Variants in SNRPN observed in about 807,000 individuals in gnomAD.
SNRPN encodes small nuclear ribonucleoprotein-associated protein N.
A neutral mutation model predicts 25.2 loss-of-function variants in SNRPN; 7 were observed. The ratio of observed to expected loss-of-function variants is 0.28; its 90% CI spans 0.16 to 0.52. The LOEUF (loss-of-function observed/expected upper bound fraction) is 0.52. Ranked by LOEUF, SNRPN falls within the 20% of genes least tolerant of loss-of-function variation. The pLI is 0.96. For synonymous variants in SNRPN, 124 were observed against 110.6 expected (o/e 1.12, Z -0.76); for missense variants, 196 against 322.5 (o/e 0.61, Z 3.00).
chr15:24,973,296 ACT>A (rs999124974), intron 3 of SNRPN, among the ~76,000 whole-genome samples: 5 of 151,872 alleles, frequency 3.3e-5, no homozygotes, highest in African/African-American at 7.3e-5. Context: ...AGTATAGTAG[ACT>A]CTGTGTATCC....
At chr15:24,902,921 G>T (rs561290142) in intron 2 of SNRPN, among the ~76,000 whole-genome samples, 1 of 152,170 alleles carries the variant, frequency 6.6e-6, no homozygotes, top group South Asian at 2.1e-4. Context: ...TGCTGGCTCC[G>T]GTGGCCAGCT....
intron 3 of SNRPN, among the ~76,000 whole-genome samples, chr15:24,941,837 G>A (rs2061575806): frequency 6.6e-6 from 1 of 152,000 alleles, no homozygotes; most frequent in Non-Finnish European, 1.5e-5. Flanking sequence ...GCAGTGCAGT[G>A]GCGCAATCTC....
intron 3 of SNRPN, among the ~76,000 whole-genome samples, chr15:24,937,408 C>T (rs1030198493): frequency 6.6e-6 from 1 of 152,046 alleles, no homozygotes; most frequent in Non-Finnish European, 1.5e-5. Flanking sequence ...GTGATGTGCA[C>T]CTGTAGTCCC....
At chr15:24,961,054 C>CT (rs1264267985) in intron 1 of SNRPN, among the ~76,000 whole-genome samples, 1 of 151,926 alleles carries the variant, frequency 6.6e-6, no homozygotes, top group Non-Finnish European at 1.5e-5. Context: ...CTTTCACTTT[C>CT]TTTAGTGTTT....
intron 2 of SNRPN, among the ~76,000 whole-genome samples, chr15:24,918,735 C>CAT (rs1312339584): frequency 3.4e-4 from 29 of 85,164 alleles, no homozygotes; most frequent in African/African-American, 1.3e-3. Context: ...TATATGTGTG[C>CAT]ATATATATAA....
intron 3 of SNRPN, among the ~76,000 whole-genome samples, chr15:24,922,791 TCTCA>T (rs56196524): frequency 0.11 from 17,239 of 151,822 alleles, 1,193 homozygotes; most frequent in East Asian, 0.31. Flanking sequence ...CATGTATCTT[TCTCA>T]CTGTGTATGT....
intron 3 of SNRPN, among the ~76,000 whole-genome samples, chr15:24,932,312 G>A (rs942057421): frequency 6.6e-6 from 1 of 152,160 alleles, no homozygotes; most frequent in Non-Finnish European, 1.5e-5. Flanking sequence ...TTGGCTCACT[G>A]CACCCTCCGC....
At chr15:24,968,104 A>C in intron 3 of SNRPN, 22 bp downstream of exon 3, 1 of 1,335,064 alleles carries the variant, frequency 7.5e-7, no homozygotes, top group Non-Finnish European at 1.1e-6. Context: ...TGCAGCAATG[A>C]TCAAGAATAA....
chr15:24,969,990 T>C (rs2076196244), intron 3 of SNRPN, among the ~76,000 whole-genome samples: 1 of 152,192 alleles, frequency 6.6e-6, no homozygotes, highest in African/African-American at 2.4e-5. Context: ...AAGAAAATAA[T>C]TGGCTGAGTT....
At chr15:24,937,747 C>T (rs964809196) in intron 3 of SNRPN, among the ~76,000 whole-genome samples, 3 of 152,162 alleles carry the variant, frequency 2.0e-5, no homozygotes, top group Non-Finnish European at 4.4e-5. Flanking sequence ...GAAAATTGCC[C>T]ATTAAATAAT....
At chr15:24,938,585 T>C (rs1417901004) in intron 3 of SNRPN, among the ~76,000 whole-genome samples, 1 of 152,172 alleles carries the variant, frequency 6.6e-6, no homozygotes, top group Non-Finnish European at 1.5e-5. Context: ...AATTGAAGAT[T>C]TTTATTACTT....
intron 1 of SNRPN, among the ~76,000 whole-genome samples, chr15:24,870,442 A>G (rs2054985278): frequency 6.6e-6 from 1 of 152,192 alleles, no homozygotes; most frequent in African/African-American, 2.4e-5. Flanking sequence ...TAATGTCTCC[A>G]GCACTACATG....
At chr15:24,948,725 G>T (rs2062035249) in intron 3 of SNRPN, among the ~76,000 whole-genome samples, 1 of 151,968 alleles carries the variant, frequency 6.6e-6, no homozygotes, top group Non-Finnish European at 1.5e-5. Flanking sequence ...TCGAATGTTT[G>T]TAGAATGTCC....
At chr15:24,850,353 C>G (rs1403801710) in intron 2 of SNRPN, 2 of 152,076 alleles carry the variant, frequency 1.3e-5, no homozygotes, top group Non-Finnish European at 2.9e-5. Flanking sequence ...CTTTGTTGTC[C>G]AGGCTGGAGT....
chr15:24,835,929 G>C (rs536740976), intron 2 of SNRPN, among the ~76,000 whole-genome samples: 38 of 152,014 alleles, frequency 2.5e-4, no homozygotes, highest in Non-Finnish European at 4.9e-4. Context: ...CCTCCCAAAG[G>C]GATCAGTTTC....
chr15:24,954,843 C>T, upstream of SNRPN: 1 of 674,372 alleles, frequency 1.5e-6, no homozygotes, highest in Non-Finnish European at 2.5e-6. Flanking sequence ...TAGCCCCCTC[C>T]CCCCAGGTCA....
chr15:24,832,497 A>C (rs913831664), intron 2 of SNRPN, among the ~76,000 whole-genome samples: 2 of 152,050 alleles, frequency 1.3e-5, no homozygotes, highest in Non-Finnish European at 2.9e-5. Context: ...CAGGATTCTA[A>C]AAGTAGCCAA....
intron 2 of SNRPN, among the ~76,000 whole-genome samples, chr15:24,897,889 T>C (rs550146944): frequency 8.5e-5 from 13 of 152,254 alleles, no homozygotes; most frequent in African/African-American, 3.1e-4. Context: ...AATTACCCAG[T>C]CTCAGATATG....
At chr15:24,946,106 A>C (rs2061866742) in intron 3 of SNRPN, among the ~76,000 whole-genome samples, 1 of 152,216 alleles carries the variant, frequency 6.6e-6, no homozygotes, top group Non-Finnish European at 1.5e-5. Flanking sequence ...AATGAAGAGG[A>C]GCAGCAAAGA....
Sources: gnomAD v4.1 joint callset for allele counts (sites outside exome capture counted in the v4.1 genomes callset) on GRCh38, gnomAD v4.1.1 for gene constraint, MANE v1.5 for transcripts, NCBI Gene and HGNC (gene_info 2026-07-23, HGNC 2026-07-21) for gene names.